The following PKHD1 variants were observed in gnomAD, a reference collection of about 807,000 sequenced individuals.
PKHD1 encodes fibrocystin.
Under a neutral mutation model 412.0 loss-of-function variants are expected in PKHD1, and 291 were observed. The observed-to-expected ratio is 0.71, with a 90% CI of 0.64 to 0.78. The LOEUF is 0.78. Ranked by LOEUF, PKHD1 falls within the 30% of genes least tolerant of loss-of-function variation. The probability of loss-of-function intolerance (pLI) is 0.00; values close to 1 mark genes in which losing one functional copy is unlikely to be tolerated. For synonymous variants in PKHD1, 1,777 were observed against 1,821.5 expected (o/e 0.98, Z 0.62); for missense variants, 4,825 against 4,950.7 (o/e 0.97, Z 0.76).
intron 43 of PKHD1, among the ~76,000 whole-genome samples, chr6:51,887,740 C>T (rs1209152363): frequency 3.9e-5 from 6 of 152,234 alleles, no homozygotes; most frequent in Admixed American, 6.5e-5. Flanking sequence ...ATTGATGCTT[C>T]CATGTTTCCT....
At chr6:51,702,170 G>GTATAATATATAATATATTATATA (rs1779505138) in intron 60 of PKHD1, among the ~76,000 whole-genome samples, 1 of 138,604 alleles carries the variant, frequency 7.2e-6, no homozygotes, top group Admixed American at 7.2e-5. Context: ...TATATTATAT[G>GTATAATATATAATATATTATATA]TATAATATAT....
intron 37 of PKHD1, among the ~76,000 whole-genome samples, chr6:51,926,497 G>T (rs1438746895): frequency 6.6e-6 from 1 of 152,146 alleles, no homozygotes; most frequent in East Asian, 1.9e-4. Flanking sequence ...ATAGAAACTT[G>T]AAGTACCTTA....
rs116441090 is a variant in PKHD1, at chr6:51,813,543, C to T, written c.8302+17318G>A. 1.7e-3 allele frequency among the ~76,000 whole-genome samples: 256 copies of T among 152,146 alleles called. 2 individuals carry two copies. The highest frequency in any genetic ancestry group is 5.7e-3 in the African/African-American group (237 of 41,510). On this transcript the variant is annotated intron_variant, in intron 52 of 66. Coordinates refer to ENST00000371117, the MANE Select transcript of PKHD1 (RefSeq NM_138694.4). ...ATAAATGTGAATATCTCTACTATTT[C>T]CTACATTTTTTTTTACTGGTAATAT... is the stretch of plus-strand genomic sequence containing the variant.
intron 5 of PKHD1, among the ~76,000 whole-genome samples, chr6:52,078,003 G>A (rs1023704829): frequency 6.6e-6 from 1 of 152,064 alleles, no homozygotes; most frequent in African/African-American, 2.4e-5. Flanking sequence ...ACCTGAGGCA[G>A]CTGGAACAAC....
At chr6:51,807,495 G>A (rs1343052600) in intron 52 of PKHD1, among the ~76,000 whole-genome samples, 12 of 144,566 alleles carry the variant, frequency 8.3e-5, no homozygotes, top group South Asian at 4.3e-4. Flanking sequence ...ATGTGTGTGT[G>A]TGTGTGTGTG....
In PKHD1 at chr6:52,059,950, C is replaced by A; in HGVS notation, c.1211G>T (p.Trp404Leu). The A allele has an allele frequency of 6.3e-7, 1 of 1,582,048 alleles. No individual in the cohort carries two copies. Among genetic ancestry groups the A allele is most frequent in the South Asian group, 1.1e-5 (1 of 90,430 alleles). The change falls in exon 15 of 67, where the codon TGG (tryptophan) becomes TTG (leucine). Residue 404 changes from tryptophan (W) to leucine (L), a missense_variant. By Grantham distance (61) the Trp-to-Leu change is moderately conservative. Coordinates refer to ENST00000371117, the MANE Select transcript of PKHD1 (RefSeq NM_138694.4). ...ADSQASLHFSWSEEPRTKVKV... is the reference protein window; with the variant it reads ...ADSQASLHFSLSEEPRTKVKV... The stretch of plus-strand genomic sequence containing the variant: ...TACCTTAGTCCTTGGTTCCTCTGAC[C>A]AACTGAAATGCAAGGAAGCTTGGCT...
intron 43 of PKHD1, among the ~76,000 whole-genome samples, chr6:51,895,802 G>C (rs1779831650): frequency 2.0e-5 from 3 of 152,116 alleles, no homozygotes; most frequent in Admixed American, 1.3e-4. Flanking sequence ...GCAGGTCAGT[G>C]GGTGCGCCCA....
rs1348863334 is a variant in PKHD1 at position 51,874,905 on chromosome 6, C to T, written c.7351-4266G>A. On this transcript the variant is annotated intron_variant, in intron 46 of 66. Transcript: ENST00000371117. The stretch of plus-strand genomic sequence containing the variant: ...CAGTGGGCGCAGGCCAGTGTGTGTG[C>T]GCACCGTGCGCGAGCCGAAGCAGGG... 6.7e-5 allele frequency among the ~76,000 whole-genome samples: 6 copies of T among 89,048 alleles called. 2 individuals carry two copies. The highest frequency in any genetic ancestry group is 2.3e-4 in the African/African-American group (5 of 21,484). 58.4% of individuals were successfully genotyped at this position (89,048 alleles called of 152,430 possible). A position where few individuals can be genotyped will look rare whatever the true frequency, so the allele number is the denominator to read the frequency against.
intron 18 of PKHD1, among the ~76,000 whole-genome samples, chr6:52,056,383 T>C (rs1276215650): frequency 6.6e-6 from 1 of 152,190 alleles, no homozygotes; most frequent in African/African-American, 2.4e-5. Flanking sequence ...AGCATGGTTT[T>C]GGCTATGTTT....
At chr6:51,905,667 T>G (rs1228364514) in intron 41 of PKHD1, among the ~76,000 whole-genome samples, 1 of 152,172 alleles carries the variant, frequency 6.6e-6, no homozygotes, top group Non-Finnish European at 1.5e-5. Flanking sequence ...GGATTCTATT[T>G]TAAAAGCAAT....
chr6:51,753,425 G>T, intron 56 of PKHD1, 72 bp from the exon 57 acceptor site: 1 of 1,231,586 alleles, frequency 8.1e-7, no homozygotes, highest in South Asian at 1.2e-5. Context: ...TGGGGACCCA[G>T]CAAACCTGAG....
At chr6:51,983,042 G>A (rs1795771129) in intron 35 of PKHD1, among the ~76,000 whole-genome samples, 1 of 151,976 alleles carries the variant, frequency 6.6e-6, no homozygotes, top group Admixed American at 6.5e-5. Context: ...AGGAAACACA[G>A]TGAAGTGTAC....
At chr6:51,893,827 A>C (rs928655226) in intron 43 of PKHD1, among the ~76,000 whole-genome samples, 3 of 152,184 alleles carry the variant, frequency 2.0e-5, no homozygotes, top group African/African-American at 7.2e-5. Context: ...TTGAGAACTG[A>C]GGTTGGGCCT....
rs1458577830 is a variant in PKHD1 at position 52,058,539 on chromosome 6, C to T, written c.1296G>A (p.Arg432=). The T allele has an allele frequency of 6.2e-7, 1 of 1,614,180 alleles. No individual in the cohort carries two copies. Among genetic ancestry groups the T allele is most frequent in the Non-Finnish European group, 8.5e-7 (1 of 1,180,024 alleles). ...ADWFDSWEQN[R]DEGTWQQKTP... Reference sequence around the variant, plus strand: ...TCTTCTGCTGCCAGGTCCCTTCATCCCTATTCTGCTCCCAGGAGTCAAACC... The same window carrying T: ...TCTTCTGCTGCCAGGTCCCTTCATCTCTATTCTGCTCCCAGGAGTCAAACC... The change falls in exon 16 of 67, where the codon AGG becomes AGA. Residue 432 remains arginine (R), a synonymous_variant. Coordinates refer to ENST00000371117, the MANE Select transcript of PKHD1 (RefSeq NM_138694.4).
In PKHD1 at chr6:51,782,245, T is replaced by C. The variant is rs149086261; in HGVS notation, c.8441-6324A>G. 1.3e-3 allele frequency among the ~76,000 whole-genome samples: 205 copies of C among 152,230 alleles called. 2 individuals carry two copies. The highest frequency in any genetic ancestry group is 4.6e-3 in the African/African-American group (193 of 41,564). On this transcript the variant is annotated intron_variant, in intron 53 of 66. Transcript: ENST00000371117. ...TAGGACAGAAGAATATTTATTTGTA[T>C]TAGTGTTTGGCTTAAAAAATATATT...
At position 51,659,653 on chromosome 6, in the gene PKHD1, G is replaced by A. The variant is rs772915495; in HGVS notation, c.10473C>T (p.Thr3491=). ...AGAATACAGCCAAGAGAAGCTTGGA[G>A]GTACTTTTGTTCCCCAATAGAAAAA... The part of the protein sequence containing the change: ...LRFFLLGNKS[T]SKLLLAVFYH... The change falls in exon 61 of 67, where the codon ACC becomes ACT. Residue 3491 remains threonine (T), a synonymous_variant. Coordinates refer to ENST00000371117, the MANE Select transcript of PKHD1 (RefSeq NM_138694.4). 25 of 1,613,762 alleles carry A rather than the reference G, an allele frequency of 1.5e-5. No homozygotes were observed. Among genetic ancestry groups the A allele is most frequent in the Non-Finnish European group, 1.8e-5 (21 of 1,179,802 alleles).
intron 52 of PKHD1, among the ~76,000 whole-genome samples, chr6:51,814,462 G>A (rs1462917063): frequency 3.3e-5 from 5 of 152,192 alleles, no homozygotes; most frequent in Admixed American, 1.3e-4. Flanking sequence ...AAAAACAGGT[G>A]CATCCACACT....
At chr6:51,705,478 C>T (rs1393311162) in intron 60 of PKHD1, among the ~76,000 whole-genome samples, 3 of 151,966 alleles carry the variant, frequency 2.0e-5, no homozygotes, top group Non-Finnish European at 4.4e-5. Context: ...GACAGTAGCT[C>T]CAGGGGGATT....
At chr6:51,778,325 T>C (rs1313049754) in intron 53 of PKHD1, among the ~76,000 whole-genome samples, 1 of 152,162 alleles carries the variant, frequency 6.6e-6, no homozygotes, top group Non-Finnish European at 1.5e-5. Context: ...ATAATTGTCA[T>C]TGTGCTGCAA....
Sources: allele counts gnomAD v4.1 joint callset (sites outside exome capture counted in the v4.1 genomes callset), GRCh38; gene constraint gnomAD v4.1.1; transcripts MANE v1.5; gene names NCBI Gene and HGNC (gene_info 2026-07-23, HGNC 2026-07-21).